TTC6: variants seen among roughly 807,000 people sequenced by gnomAD.
TTC6 encodes the protein tetratricopeptide repeat protein 6.
Under a neutral mutation model 210.4 loss-of-function variants are expected in TTC6, and 172 were observed. The observed-to-expected ratio is 0.82, with a 90% CI of 0.72 to 0.93. The LOEUF is 0.93. Ranked by LOEUF, TTC6 falls within the 40% of genes least tolerant of loss-of-function variation. The pLI, the probability that TTC6 is intolerant of heterozygous loss-of-function variation, is 0.00. For synonymous variants in TTC6, 804 were observed against 819.6 expected (o/e 0.98, Z 0.32); for missense variants, 2,414 against 2,318.1 (o/e 1.04, Z -0.85).
chr14:37,700,040 C>T (rs1481840618), intron 4 of TTC6, among the ~76,000 whole-genome samples: 1 of 152,096 alleles, frequency 6.6e-6, no homozygotes, highest in Non-Finnish European at 1.5e-5. Context: ...AGAGCAATTT[C>T]AACAAGTTAT....
chr14:37,626,589 A>T (rs2095660690), intron 1 of TTC6, among the ~76,000 whole-genome samples: 3 of 152,194 alleles, frequency 2.0e-5, no homozygotes. Context: ...GAAGACCCCA[A>T]AACGTGAATA....
intron 29 of TTC6, among the ~76,000 whole-genome samples, chr14:37,828,622 T>C (rs2096177703): frequency 6.6e-6 from 1 of 152,208 alleles, no homozygotes; most frequent in African/African-American, 2.4e-5. Flanking sequence ...CCCATTTGAC[T>C]AAAGAATAAA....
upstream of TTC6, among the ~76,000 whole-genome samples, chr14:37,617,745 G>T (rs1469600297): frequency 6.6e-6 from 1 of 152,162 alleles, no homozygotes; most frequent in Non-Finnish European, 1.5e-5. Flanking sequence ...CAAGGCTGAA[G>T]ATTTTACTAA....
chr14:37,655,065 G>A (rs2139436894), intron 1 of TTC6, among the ~76,000 whole-genome samples: 1 of 152,326 alleles, frequency 6.6e-6, no homozygotes, highest in African/African-American at 2.4e-5. Flanking sequence ...CTCTTCGCAT[G>A]TGCATTATAG....
At chr14:37,682,661 C>T in intron 2 of TTC6, 97 bp from the exon 5 acceptor site, 1 of 1,036,934 alleles carries the variant, frequency 9.6e-7, no homozygotes, top group Non-Finnish European at 1.4e-6. Context: ...CATGCGTTTT[C>T]ATATTCATCT....
At chr14:37,727,917 A>T (rs2095876953) in intron 7 of TTC6, among the ~76,000 whole-genome samples, 1 of 152,186 alleles carries the variant, frequency 6.6e-6, no homozygotes. Flanking sequence ...GTTGTGCTAG[A>T]TATCCCAATA....
At chr14:37,638,547 C>A (rs2095685385) in intron 1 of TTC6, among the ~76,000 whole-genome samples, 2 of 151,720 alleles carry the variant, frequency 1.3e-5, no homozygotes, top group Admixed American at 6.6e-5. Context: ...GAACCACTGC[C>A]CCCGGCCTAT....
intron 14 of TTC6, among the ~76,000 whole-genome samples, chr14:37,773,880 T>C (rs1293912486): frequency 6.6e-6 from 1 of 152,258 alleles, no homozygotes; most frequent in Non-Finnish European, 1.5e-5. Flanking sequence ...TGATTCTTTC[T>C]ATCCATGAGC....
chr14:37,699,867 C>T (rs541565757), intron 4 of TTC6, among the ~76,000 whole-genome samples: 94 of 152,226 alleles, frequency 6.2e-4, no homozygotes, highest in Admixed American at 1.2e-3. Context: ...ATAGCTGAAA[C>T]ACTAAAGATG....
At chr14:37,687,986 G>A (rs568494693) in intron 3 of TTC6, among the ~76,000 whole-genome samples, 1 of 152,224 alleles carries the variant, frequency 6.6e-6, no homozygotes, top group East Asian at 1.9e-4. Context: ...GCACCAAGTG[G>A]GCTCTTGGGG....
chr14:37,613,317 T>G (rs907586576), intron 2 of TTC6, among the ~76,000 whole-genome samples: 2 of 152,136 alleles, frequency 1.3e-5, no homozygotes, highest in African/African-American at 4.8e-5. Flanking sequence ...AAATCAATTT[T>G]TCAACCCTTG....
At chr14:37,605,472 AGTG>A (rs1413361093) in intron 1 of TTC6, among the ~76,000 whole-genome samples, 149 of 31,842 alleles carry the variant, frequency 4.7e-3, no homozygotes, top group Admixed American at 7.7e-3. Flanking sequence ...TATGTGGGTG[AGTG>A]AGTATGGGGG....
intron 6 of TTC6, 38 bp from the exon 9 acceptor site, chr14:37,724,860 C>A (rs1465031576): frequency 7.9e-7 from 1 of 1,267,338 alleles, no homozygotes; most frequent in African/African-American, 1.5e-5. Context: ...AAGGCCATTT[C>A]TTACCATTTC....
chr14:37,739,017 T>C (rs763936065), exon 10 of TTC6: 165 of 1,535,516 alleles, frequency 1.1e-4, no homozygotes, highest in Non-Finnish European at 1.4e-4. Flanking sequence ...TTGACTCTCA[T>C]TGAAGCGTCT....
chr14:37,620,269 G>A (rs1328476845), upstream of TTC6, among the ~76,000 whole-genome samples: 1 of 152,122 alleles, frequency 6.6e-6, no homozygotes, highest in Non-Finnish European at 1.5e-5. Flanking sequence ...GAGTTCTAGT[G>A]TCTGTGTTTT....
intron 5 of TTC6, among the ~76,000 whole-genome samples, chr14:37,712,709 A>G (rs937402037): frequency 6.6e-6 from 1 of 152,096 alleles, no homozygotes; most frequent in Non-Finnish European, 1.5e-5. Flanking sequence ...CTCTTGTGAT[A>G]AATCACTCAC....
chr14:37,833,620 A>G (rs1038502135), intron 29 of TTC6, among the ~76,000 whole-genome samples: 2 of 152,132 alleles, frequency 1.3e-5, no homozygotes, highest in African/African-American at 4.8e-5. Flanking sequence ...TCGATAGGTA[A>G]GGACTTATTT....
At chr14:37,739,566 CT>C (rs2095912101) in intron 10 of TTC6, among the ~76,000 whole-genome samples, 2 of 107,956 alleles carry the variant, frequency 1.9e-5, no homozygotes, top group East Asian at 3.0e-4. Context: ...GAGACTCCAT[CT>C]TAAAAAAAAA....
chr14:37,830,466 G>T (rs1343135250), intron 29 of TTC6, among the ~76,000 whole-genome samples: 1 of 151,412 alleles, frequency 6.6e-6, no homozygotes, highest in African/African-American at 2.4e-5. Context: ...TATAGATGTT[G>T]TATATTCCTT....
Sources: allele counts gnomAD v4.1 joint callset (sites outside exome capture counted in the v4.1 genomes callset), GRCh38; gene constraint gnomAD v4.1.1; transcripts MANE v1.5; gene names NCBI Gene and HGNC (gene_info 2026-07-23, HGNC 2026-07-21).